The following MTREX variants were observed in gnomAD, a reference collection of about 807,000 sequenced individuals.
MTREX encodes the protein Mtr4 exosome RNA helicase.
MTREX carries 76 observed loss-of-function variants against 135.4 expected under a neutral mutation model. The ratio of observed to expected loss-of-function variants is 0.56; its 90% CI spans 0.47 to 0.68. The LOEUF (loss-of-function observed/expected upper bound fraction) is 0.68. MTREX is among the 30% of genes least tolerant of loss of function. MTREX has a pLI of 0.00. For missense variants in MTREX, 920 were observed against 1,262.1 expected, an observed-to-expected ratio of 0.73 and a Z score of 4.11; for synonymous variants, 404 against 401.6, an observed-to-expected ratio of 1.01 and a Z score of -0.07.
chr5:55,313,402 C>T (rs1321924269), intron 1 of MTREX, among the ~76,000 whole-genome samples: 1 of 152,158 alleles, frequency 6.6e-6, no homozygotes, highest in Middle Eastern at 3.4e-3. Flanking sequence ...GATCATGACA[C>T]TGCACTCTAG....
At chr5:55,314,572 T>G (rs975888549) in intron 1 of MTREX, among the ~76,000 whole-genome samples, 1 of 152,170 alleles carries the variant, frequency 6.6e-6, no homozygotes, top group Admixed American at 6.5e-5. Flanking sequence ...GAAGTGGAAG[T>G]GGCAAGGAAA....
At chr5:55,324,022 A>G in intron 2 of MTREX, 110 bp from the exon 3 acceptor site, 1 of 730,240 alleles carries the variant, frequency 1.4e-6, no homozygotes. Context: ...CCTATTTGGA[A>G]TACTGATGAT....
chr5:55,350,931 C>G lies in MTREX; in HGVS notation c.1333C>G (p.Leu445Val). The G allele has an allele frequency of 6.2e-7, 1 of 1,600,706 alleles. No individual in the cohort carries two copies. Among genetic ancestry groups the G allele is most frequent in the South Asian group, 1.1e-5 (1 of 87,050 alleles). ...TCCAAAATCACAGGTAGAACATGTA[C>G]TTCCTCTTTTGAAGAGGGGAATTGG... is the stretch of plus-strand genomic sequence containing the variant. ...DKKLPQVEHVLPLLKRGIGIH... is the reference protein window; with the variant it reads ...DKKLPQVEHVVPLLKRGIGIH... Residue 445 changes from leucine (L) to valine (V), a missense_variant, in exon 13 of 27, where the codon CTT (leucine) becomes GTT (valine). Transcript: ENST00000230640.
chr5:55,388,224 A>G (rs1180469604), intron 19 of MTREX, 122 bp downstream of exon 19: 1 of 716,264 alleles, frequency 1.4e-6, no homozygotes, highest in African/African-American at 1.8e-5. Flanking sequence ...GAAGTTTTCA[A>G]GGTATTTTAA....
intron 21 of MTREX, among the ~76,000 whole-genome samples, chr5:55,404,450 C>T (rs969911764): frequency 3.3e-5 from 5 of 152,100 alleles, no homozygotes; most frequent in Admixed American, 1.3e-4. Context: ...TAGGCAAATT[C>T]GTGATTTAAC....
At chr5:55,402,659 T>A (rs1270654787) in intron 21 of MTREX, among the ~76,000 whole-genome samples, 1 of 151,730 alleles carries the variant, frequency 6.6e-6, no homozygotes, top group Non-Finnish European at 1.5e-5. Flanking sequence ...AGCAAAAATA[T>A]AAAATACACC....
At chr5:55,327,828 T>C in intron 4 of MTREX, 50 bp downstream of exon 4, 1 of 1,261,212 alleles carries the variant, frequency 7.9e-7, no homozygotes, top group East Asian at 2.3e-5. Context: ...GACTCTCTTT[T>C]TCTTAAAATT....
Position 55,344,626 on chromosome 5 carries a change from A to C in MTREX, c.1005+6A>C, listed in dbSNP as rs199754760. 49 of 1,518,934 alleles carry C rather than the reference A, an allele frequency of 3.2e-5. No homozygotes were observed. The East Asian group carries it at 1.1e-3, about 34-fold the overall frequency. 94.1% of individuals were successfully genotyped at this position (1,518,934 alleles called of 1,614,324 possible). A position where few individuals can be genotyped will look rare whatever the true frequency, so the allele number is the denominator to read the frequency against. ...ATCTTGTGGTTGATGAAAATGTAAG[A>C]GAGTAATTGTCCTTTTTAAATCTAT... On this transcript the variant is annotated splice_donor_region_variant and intron_variant, in intron 9 of 26. Transcript: ENST00000230640.
chr5:55,314,991 A>G (rs1202271374), intron 1 of MTREX, among the ~76,000 whole-genome samples: 2 of 152,216 alleles, frequency 1.3e-5, no homozygotes, highest in Non-Finnish European at 2.9e-5. Context: ...CCTGCTATGC[A>G]GCCTGGTTTC....
intron 15 of MTREX, among the ~76,000 whole-genome samples, chr5:55,364,511 C>CT (rs1750065377): frequency 6.6e-6 from 1 of 152,144 alleles, no homozygotes; most frequent in African/African-American, 2.4e-5. Flanking sequence ...CCTACAGGGA[C>CT]TTTAAGTAAT....
At chr5:55,333,192 GT>G (rs1387170566) in intron 5 of MTREX, among the ~76,000 whole-genome samples, 2 of 152,090 alleles carry the variant, frequency 1.3e-5, no homozygotes, top group Admixed American at 1.3e-4. Context: ...GAGGAGTGAA[GT>G]TTGTATCTTA....
At chr5:55,309,597 CAG>C (rs957193142) in intron 1 of MTREX, among the ~76,000 whole-genome samples, 2 of 152,076 alleles carry the variant, frequency 1.3e-5, no homozygotes, top group African/African-American at 4.8e-5. Context: ...GTGAAAAAAA[CAG>C]GGACGTTCAG....
chr5:55,416,064 A>T lies in MTREX; in HGVS notation c.2903A>T (p.Asp968Val). The change falls in exon 25 of 27, where the codon GAT (aspartate) becomes GTT (valine). Residue 968 changes from aspartate (D) to valine (V), a missense_variant. By Grantham distance (152) the Asp-to-Val change is radical (BLOSUM62 -3). Transcript: ENST00000230640. ...AGCTCATTTAAACCTCACTTAATGG[A>T]TGTAGTATATACCTGGGCAACTGGA... is the stretch of plus-strand genomic sequence containing the variant. Reference protein sequence around the residue: ...YLSSFKPHLMDVVYTWATGAT... With the variant: ...YLSSFKPHLMVVVYTWATGAT... The T allele has an allele frequency of 3.7e-6, 6 of 1,603,228 alleles. No homozygotes were observed. The highest frequency in any genetic ancestry group is 5.1e-6 in the Non-Finnish European group (6 of 1,176,226).
intron 1 of MTREX, 30 bp downstream of exon 1, chr5:55,308,177 A>AT (rs1748999441): frequency 5.2e-6 from 8 of 1,550,436 alleles, no homozygotes; most frequent in Admixed American, 2.1e-5. Flanking sequence ...TGTTGCTTTT[A>AT]TTTTTTTTCT....
At chr5:55,352,837 G>T (rs980082452) in intron 13 of MTREX, among the ~76,000 whole-genome samples, 1 of 152,098 alleles carries the variant, frequency 6.6e-6, no homozygotes, top group Non-Finnish European at 1.5e-5. Context: ...AGTTGCAAAG[G>T]CCAGGAAATG....
intron 11 of MTREX, 26 bp downstream of exon 11, chr5:55,347,170 T>C: frequency 6.4e-7 from 1 of 1,570,292 alleles, no homozygotes; most frequent in Non-Finnish European, 8.6e-7. Flanking sequence ...AGTATCATTT[T>C]AATGTTATGT....
intron 3 of MTREX, among the ~76,000 whole-genome samples, chr5:55,327,165 C>T (rs1420840052): frequency 1.3e-5 from 2 of 152,176 alleles, no homozygotes; most frequent in East Asian, 3.8e-4. Flanking sequence ...TATACGTATG[C>T]ATGTGTCTTT....
Position 55,327,793 on chromosome 5 carries a change from T to C in MTREX, c.402+15T>C, listed in dbSNP as rs760077754. On this transcript the variant is annotated intron_variant, in intron 4 of 26. Transcript: ENST00000230640. The stretch of plus-strand genomic sequence containing the variant: ...AAGCTGCTAAGGTCTGTACTTTGGG[T>C]AATACAGTTTATATAGTTTCGTGAG... 2 of 1,580,600 alleles carry C rather than the reference T, an allele frequency of 1.3e-6. No individual in the cohort carries two copies. Among genetic ancestry groups the C allele is most frequent in the South Asian group, 2.2e-5 (2 of 89,600 alleles).
chr5:55,340,673 C>T (rs1178344952), intron 6 of MTREX, among the ~76,000 whole-genome samples: 1 of 152,180 alleles, frequency 6.6e-6, no homozygotes, highest in African/African-American at 2.4e-5. Flanking sequence ...GCTCCGCCTC[C>T]TGGGTTCACG....
Sources: allele counts gnomAD v4.1 joint callset (sites outside exome capture counted in the v4.1 genomes callset), GRCh38; gene constraint gnomAD v4.1.1; transcripts MANE v1.5; gene names NCBI Gene and HGNC (gene_info 2026-07-23, HGNC 2026-07-21).